Variants in KIF16B observed in about 807,000 individuals in gnomAD.
The protein encoded by KIF16B is kinesin family member 16B.
KIF16B carries 98 observed loss-of-function variants against 156.3 expected under a neutral mutation model. The ratio of observed to expected loss-of-function variants is 0.63; its 90% CI spans 0.53 to 0.74. The LOEUF is 0.74. KIF16B is among the 30% of genes least tolerant of loss of function. The pLI, the probability that KIF16B is intolerant of heterozygous loss-of-function variation, is 0.00. For missense variants in KIF16B, 1,421 were observed against 1,606.5 expected (o/e 0.88, Z 1.97); for synonymous variants, 564 against 583.7 (o/e 0.97, Z 0.49).
intron 1 of KIF16B, among the ~76,000 whole-genome samples, chr20:16,557,028 A>G (rs2070874297): frequency 6.6e-6 from 1 of 151,902 alleles, no homozygotes; most frequent in Non-Finnish European, 1.5e-5. Context: ...TGTAAGTACA[A>G]AATCATGCCA....
At chr20:16,289,421 G>A (rs954509646) in intron 25 of KIF16B, among the ~76,000 whole-genome samples, 4 of 152,162 alleles carry the variant, frequency 2.6e-5, no homozygotes, top group East Asian at 3.9e-4. Flanking sequence ...ATGTGGAAGT[G>A]TTTAATGTTT....
intron 12 of KIF16B, among the ~76,000 whole-genome samples, chr20:16,482,564 C>CT (rs1439817618): frequency 6.6e-6 from 1 of 152,084 alleles, no homozygotes; most frequent in Non-Finnish European, 1.5e-5. Context: ...AGGAAAATGA[C>CT]TTTAAATACA....
intron 25 of KIF16B, among the ~76,000 whole-genome samples, chr20:16,274,287 T>G (rs567908497): frequency 3.9e-5 from 6 of 152,304 alleles, no homozygotes; most frequent in African/African-American, 1.4e-4. Context: ...AAGGAATCCT[T>G]ACTACAATTA....
intron 12 of KIF16B, among the ~76,000 whole-genome samples, chr20:16,484,625 T>C (rs1161191273): frequency 2.6e-5 from 4 of 152,228 alleles, no homozygotes; most frequent in Non-Finnish European, 5.9e-5. Flanking sequence ...AGATAGTATA[T>C]GTAAATGCAT....
intron 12 of KIF16B, among the ~76,000 whole-genome samples, chr20:16,487,381 G>T (rs6135763): frequency 7.2e-5 from 11 of 152,038 alleles, no homozygotes; most frequent in African/African-American, 2.7e-4. Flanking sequence ...CCAGAGGACC[G>T]CAGGAAACTT....
chr20:16,445,781 C>T (rs2146560913), intron 12 of KIF16B, among the ~76,000 whole-genome samples: 1 of 152,176 alleles, frequency 6.6e-6, no homozygotes, highest in Admixed American at 6.5e-5. Context: ...GAGTAAGTGC[C>T]AAAATTAAAG....
At chr20:16,445,827 GTAATTTTATA>G (rs2066916333) in intron 12 of KIF16B, among the ~76,000 whole-genome samples, 1 of 152,108 alleles carries the variant, frequency 6.6e-6, no homozygotes, top group African/African-American at 2.4e-5. Context: ...ATTTGACAGA[GTAATTTTATA>G]AACATTGCAT....
chr20:16,461,132 A>C (rs2067335533), intron 12 of KIF16B, among the ~76,000 whole-genome samples: 1 of 152,060 alleles, frequency 6.6e-6, no homozygotes, highest in South Asian at 2.1e-4. Flanking sequence ...GAAACAAGAT[A>C]AATATAAGAT....
intron 1 of KIF16B, among the ~76,000 whole-genome samples, chr20:16,549,263 T>C (rs2070542828): frequency 6.6e-6 from 1 of 150,398 alleles, no homozygotes; most frequent in Admixed American, 6.7e-5. Context: ...ATTGTTCAAT[T>C]CCCACCTATG....
intron 22 of KIF16B, among the ~76,000 whole-genome samples, 167 bp downstream of exon 22, chr20:16,370,419 G>T (rs553499607): frequency 2.0e-5 from 3 of 152,234 alleles, no homozygotes; most frequent in Admixed American, 2.0e-4. Context: ...CAAACTACAG[G>T]ATTCCGTTTA....
At chr20:16,527,111 C>T (rs1424304979) in intron 2 of KIF16B, among the ~76,000 whole-genome samples, 1 of 152,080 alleles carries the variant, frequency 6.6e-6, no homozygotes, top group Non-Finnish European at 1.5e-5. Context: ...AAGGTAATTA[C>T]CAGCAGGGAA....
chr20:16,289,390 T>C (rs528337675), intron 25 of KIF16B, among the ~76,000 whole-genome samples: 1 of 152,308 alleles, frequency 6.6e-6, no homozygotes, highest in South Asian at 2.1e-4. Context: ...TTTTAAATGT[T>C]TGGAAACACA....
At position 16,275,345 on chromosome 20, in the gene KIF16B, T is replaced by C. The variant is rs536371254; in HGVS notation, c.3796-1934A>G. On this transcript the variant is annotated intron_variant, in intron 25 of 25. Transcript: ENST00000354981. Reference sequence around the variant, plus strand: ...TATTGGGATTACAGGTGTGAGCCACTGCGCCCGGCCAGATAAACTGTACAT... The same window carrying C: ...TATTGGGATTACAGGTGTGAGCCACCGCGCCCGGCCAGATAAACTGTACAT... Among the ~76,000 whole-genome samples the C allele has an allele frequency of 1.9e-3, 287 of 152,352 alleles. 3 individuals carry two copies. Among genetic ancestry groups the C allele is most frequent in the African/African-American group, 6.6e-3 (273 of 41,584 alleles).
chr20:16,354,610 C>T (rs967809217), intron 23 of KIF16B, among the ~76,000 whole-genome samples: 2 of 152,104 alleles, frequency 1.3e-5, no homozygotes, highest in African/African-American at 4.8e-5. Context: ...CATAGCGTAA[C>T]ATTTAAATAA....
chr20:16,437,778 T>A (rs2066682308), intron 12 of KIF16B, among the ~76,000 whole-genome samples: 1 of 152,152 alleles, frequency 6.6e-6, no homozygotes, highest in Non-Finnish European at 1.5e-5. Flanking sequence ...GAATCACTCA[T>A]GAATTTGACG....
At chr20:16,300,506 T>C (rs2063456738) in intron 25 of KIF16B, among the ~76,000 whole-genome samples, 1 of 152,130 alleles carries the variant, frequency 6.6e-6, no homozygotes, top group East Asian at 1.9e-4. Flanking sequence ...TTCTTTCTTT[T>C]TTATTTTTAT....
intron 3 of KIF16B, among the ~76,000 whole-genome samples, chr20:16,517,409 C>T (rs6034511): frequency 0.24 from 36,294 of 152,152 alleles, 4,961 homozygotes; most frequent in East Asian, 0.36. Flanking sequence ...ACACTTACTC[C>T]GGTCTTTCTA....
chr20:16,346,482 T>C (rs146687769), intron 23 of KIF16B, among the ~76,000 whole-genome samples: 9 of 152,266 alleles, frequency 5.9e-5, no homozygotes, highest in Non-Finnish European at 1.2e-4. Flanking sequence ...CCTGGTGTGC[T>C]AGGAAGCAAT....
chr20:16,515,414 G>T, intron 4 of KIF16B, 134 bp downstream of exon 4: 1 of 560,758 alleles, frequency 1.8e-6, no homozygotes, highest in Non-Finnish European at 3.2e-6. Flanking sequence ...ACTTATTACT[G>T]AGTTTTATCT....
Sources: gnomAD v4.1 joint callset for allele counts (sites outside exome capture counted in the v4.1 genomes callset) on GRCh38, gnomAD v4.1.1 for gene constraint, MANE v1.5 for transcripts, NCBI Gene and HGNC (gene_info 2026-07-23, HGNC 2026-07-21) for gene names.